MINDY4: variants seen among roughly 807,000 people sequenced by gnomAD.
MINDY4 encodes the protein probable ubiquitin carboxyl-terminal hydrolase MINDY-4.
MINDY4 carries 68 observed loss-of-function variants against 87.0 expected under a neutral mutation model. The ratio of observed to expected loss-of-function variants is 0.78; its 90% confidence interval spans 0.64 to 0.96. The LOEUF is 0.96. MINDY4 is among the 40% of genes least tolerant of loss of function. The pLI is 0.00. For missense variants in MINDY4, 919 were observed against 928.2 expected, an observed-to-expected ratio of 0.99 and a Z score of 0.13; for synonymous variants, 379 against 363.2, an observed-to-expected ratio of 1.04 and a Z score of -0.50.
intron 6 of MINDY4, among the ~76,000 whole-genome samples, chr7:30,835,305 GT>G (rs1388460555): frequency 3.9e-5 from 6 of 152,146 alleles, no homozygotes; most frequent in Admixed American, 2.0e-4. Context: ...GCAAACTCCT[GT>G]TTTTTAAAGC....
intron 17 of MINDY4, among the ~76,000 whole-genome samples, chr7:30,885,796 C>T (rs1790617821): frequency 6.6e-6 from 1 of 150,912 alleles, no homozygotes; most frequent in African/African-American, 2.5e-5. Flanking sequence ...GCCAGGGGAA[C>T]CTTCTTCCTG....
intron 9 of MINDY4, among the ~76,000 whole-genome samples, chr7:30,842,403 G>A (rs556944019): frequency 6.6e-6 from 1 of 152,216 alleles, no homozygotes; most frequent in African/African-American, 2.4e-5. Flanking sequence ...ACACAGTCCT[G>A]TATGCTCAGG....
intron 4 of MINDY4, among the ~76,000 whole-genome samples, chr7:30,789,229 T>C (rs1338591748): frequency 1.3e-5 from 2 of 152,188 alleles, no homozygotes; most frequent in African/African-American, 4.8e-5. Flanking sequence ...ATCAAGCGTG[T>C]CCAGTGGAGA....
In MINDY4 at chr7:30,852,245, C is replaced by G; in HGVS notation, c.1577C>G (p.Thr526Arg). 1.2e-6 allele frequency: 2 copies of G among 1,614,170 alleles called. No individual in the cohort carries two copies. The highest frequency in any genetic ancestry group is 1.7e-6 in the Non-Finnish European group (2 of 1,180,028). Reference protein sequence around the residue: ...LASRTQQFSPTGKYKADGVLE... With the variant: ...LASRTQQFSPRGKYKADGVLE... ...TCGAGAACACAGCAGTTCAGTCCAA[C>G]AGGGAAATACAAAGCAGATGGAGTC... Residue 526 changes from threonine to arginine, a missense_variant, in exon 11 of 18, where the codon ACA becomes AGA. Thr to Arg is a moderately conservative substitution (Grantham distance 71, BLOSUM62 -1). Coordinates refer to ENST00000265299, the MANE Select transcript of MINDY4 (RefSeq NM_032222.3).
At chr7:30,866,338 G>T in intron 13 of MINDY4, among the ~76,000 whole-genome samples, 1 of 152,248 alleles carries the variant, frequency 6.6e-6, no homozygotes, top group East Asian at 1.9e-4. Context: ...GGTCTCCTGT[G>T]CCAGACCAGC....
chr7:30,856,479 T>A (rs1789572445), intron 12 of MINDY4, among the ~76,000 whole-genome samples: 1 of 151,700 alleles, frequency 6.6e-6, no homozygotes, highest in Admixed American at 6.6e-5. Flanking sequence ...GGGGCAACGC[T>A]GGCATAAATG....
intron 13 of MINDY4, among the ~76,000 whole-genome samples, chr7:30,861,019 A>G (rs1484537344): frequency 6.6e-6 from 1 of 152,168 alleles, no homozygotes; most frequent in Non-Finnish European, 1.5e-5. Flanking sequence ...ACACACACAG[A>G]CACACGAAAA....
At chr7:30,778,803 G>A (rs1380001578) in intron 2 of MINDY4, among the ~76,000 whole-genome samples, 1 of 152,226 alleles carries the variant, frequency 6.6e-6, no homozygotes, top group African/African-American at 2.4e-5. Flanking sequence ...AACAGAGCCT[G>A]TGGCAGTGCT....
chr7:30,810,173 T>TTAAA (rs1787940801), intron 5 of MINDY4, among the ~76,000 whole-genome samples: 1 of 33,450 alleles, frequency 3.0e-5, no homozygotes, highest in Non-Finnish European at 5.4e-5. Flanking sequence ...AGACTCTGTT[T>TTAAA]CAAAAAAAAA....
chr7:30,857,779 G>A (rs1789623688), intron 12 of MINDY4: 1 of 152,212 alleles, frequency 6.6e-6, no homozygotes, highest in Non-Finnish European at 1.5e-5. Context: ...TACAGCCTTA[G>A]CCAGGAGCAT....
Position 30,882,374 on chromosome 7 carries a change from AC to A in MINDY4, c.2152+20del, listed in dbSNP as rs761903164. The A allele has an allele frequency of 1.3e-5, 19 of 1,423,628 alleles. No homozygotes were observed. The highest frequency in any genetic ancestry group is 2.7e-5 in the South Asian group (2 of 74,852). 88.2% of individuals were successfully genotyped at this position (1,423,628 alleles called of 1,614,324 possible). A position where few individuals can be genotyped will look rare whatever the true frequency, so the allele number is the denominator to read the frequency against. On this transcript the variant is annotated intron_variant, in intron 16 of 17. Coordinates refer to ENST00000265299, the MANE Select transcript of MINDY4 (RefSeq NM_032222.3). ...CGGCTGACCATTGGTGCGGGCCCTC[AC>A]CCCCCCACCCACCCAACCCTGTCCC...
At chr7:30,808,100 C>T (rs6977076) in intron 5 of MINDY4, among the ~76,000 whole-genome samples, 52,798 of 152,038 alleles carry the variant, frequency 0.35, 9,427 homozygotes, top group Non-Finnish European at 0.37. Context: ...GCTTGAGCGA[C>T]GCAGATCCTG....
intron 5 of MINDY4, among the ~76,000 whole-genome samples, chr7:30,818,131 TAAAGAAACA>T (rs1788213782): frequency 6.6e-6 from 1 of 151,388 alleles, no homozygotes; most frequent in African/African-American, 2.4e-5. Context: ...GAATTATTTT[TAAAGAAACA>T]TATATGGATA....
At chr7:30,778,282 A>T (rs1786888635) in intron 1 of MINDY4, 150 bp from the exon 2 acceptor site, 2 of 1,054,786 alleles carry the variant, frequency 1.9e-6, no homozygotes, top group East Asian at 5.2e-5. Flanking sequence ...TAAGAATCAG[A>T]ATAATATTAA....
intron 4 of MINDY4, among the ~76,000 whole-genome samples, chr7:30,790,222 A>G (rs1428192469): frequency 6.6e-6 from 1 of 152,064 alleles, no homozygotes; most frequent in Non-Finnish European, 1.5e-5. Flanking sequence ...GTCTTTTGGA[A>G]TTTATAATTT....
Position 30,882,992 on chromosome 7 carries a change from A to G in MINDY4, c.2224A>G (p.Lys742Glu). Residue 742 changes from lysine to glutamate, a missense_variant and splice_region_variant, in exon 17 of 18, where the codon AAG becomes GAG. Coordinates refer to ENST00000265299, the MANE Select transcript of MINDY4 (RefSeq NM_032222.3). The stretch of plus-strand genomic sequence containing the variant: ...ACCCCTCGAGCTCTGCATCAGAACC[A>G]AGTGAGTCAAGCCCCTCTCTGGCTT... ...VPPLELCIRT[K>E]WKGASVNWNG... 1 of 1,613,906 alleles carries G rather than the reference A, an allele frequency of 6.2e-7. No homozygotes were observed. The highest frequency in any genetic ancestry group is 8.5e-7 in the Non-Finnish European group (1 of 1,179,856).
At chr7:30,794,221 C>T (rs576874352) in intron 5 of MINDY4, among the ~76,000 whole-genome samples, 1 of 152,192 alleles carries the variant, frequency 6.6e-6, no homozygotes, top group Admixed American at 6.5e-5. Context: ...ATCAGTGCCC[C>T]CTTCCCCTTG....
intron 9 of MINDY4, among the ~76,000 whole-genome samples, chr7:30,847,488 T>A (rs1183417569): frequency 6.6e-6 from 1 of 152,154 alleles, no homozygotes; most frequent in Non-Finnish European, 1.5e-5. Context: ...GGCAGTTGGT[T>A]CTACTTACCC....
chr7:30,789,156 A>G (rs1584239721), intron 4 of MINDY4, among the ~76,000 whole-genome samples: 1 of 98,800 alleles, frequency 1.0e-5, no homozygotes, highest in South Asian at 4.4e-4. Flanking sequence ...TTGGTGGACT[A>G]CTCTGAGGAC....
Sources: gnomAD v4.1 joint callset for allele counts (sites outside exome capture counted in the v4.1 genomes callset) on GRCh38, gnomAD v4.1.1 for gene constraint, MANE v1.5 for transcripts, NCBI Gene and HGNC (gene_info 2026-07-23, HGNC 2026-07-21) for gene names.